Variants in CAMTA1 observed in about 807,000 individuals in gnomAD.
CAMTA1 encodes calmodulin-binding transcription activator 1.
A neutral mutation model predicts 170.9 loss-of-function variants in CAMTA1; 27 were observed. The ratio of observed to expected loss-of-function variants is 0.16; its 90% CI spans 0.12 to 0.22. The LOEUF is 0.22. Among genes scored for constraint, CAMTA1 ranks in the 10% least tolerant of loss-of-function variants. The pLI is 1.00. For missense variants in CAMTA1, 1,619 were observed against 2,217.2 expected, an observed-to-expected ratio of 0.73 and a Z score of 5.42; for synonymous variants, 833 against 891.5, an observed-to-expected ratio of 0.93 and a Z score of 1.17.
At chr1:7,688,960 G>A (rs927110575) in intron 11 of CAMTA1, among the ~76,000 whole-genome samples, 2 of 152,148 alleles carry the variant, frequency 1.3e-5, no homozygotes, top group African/African-American at 4.8e-5. Context: ...ATGAATAACA[G>A]GAGACTTTTT....
intron 5 of CAMTA1, among the ~76,000 whole-genome samples, chr1:7,278,051 G>C (rs770067721): frequency 7.2e-5 from 11 of 152,112 alleles, no homozygotes; most frequent in African/African-American, 1.2e-4. Flanking sequence ...CTGAACAATT[G>C]TTTTCTGGAG....
At chr1:7,345,632 C>A (rs1043855101) in intron 5 of CAMTA1, among the ~76,000 whole-genome samples, 1 of 152,204 alleles carries the variant, frequency 6.6e-6, no homozygotes, top group Non-Finnish European at 1.5e-5. Context: ...CTGGGAATAA[C>A]AGGCTGCTAG....
At chr1:7,109,372 C>T (rs558698571) in intron 4 of CAMTA1, among the ~76,000 whole-genome samples, 30 of 152,304 alleles carry the variant, frequency 2.0e-4, no homozygotes, top group African/African-American at 7.2e-4. Flanking sequence ...ACTGGGAGTT[C>T]ATCATGGCAT....
rs1219458975 is a variant in CAMTA1 at position 7,738,022 on chromosome 1, C to T, written c.3722C>T (p.Pro1241Leu). The T allele has an allele frequency of 3.1e-6, 5 of 1,613,886 alleles. No homozygotes were observed. Among genetic ancestry groups the T allele is most frequent in the African/African-American group, 2.7e-5 (2 of 74,886 alleles). ...YYSSESHKDY[P>L]APKKHKLNPE... ...AGCAGTGAGAGCCACAAAGATTATC[C>T]GGCTCCCAAAAAGCATAAATTGAAC... The change falls in exon 16 of 23, where the codon CCG becomes CTG. Residue 1241 changes from proline to leucine, a missense_variant. Coordinates refer to ENST00000303635, the MANE Select transcript of CAMTA1 (RefSeq NM_015215.4). The surrounding 1 kb of genome is among the most constrained non-coding windows in gnomAD (Gnocchi z 4.9).
intron 5 of CAMTA1, among the ~76,000 whole-genome samples, chr1:7,302,434 C>T (rs745977442): frequency 1.3e-5 from 2 of 152,178 alleles, no homozygotes; most frequent in African/African-American, 4.8e-5. Context: ...CATTCTGTTC[C>T]AGGCCAGATT....
rs79085932 is a variant in CAMTA1, at chr1:7,563,156, G to A, written c.511-77244G>A. 1.1e-3 allele frequency among the ~76,000 whole-genome samples: 169 copies of A among 152,308 alleles called. 5 individuals are homozygous for A. In the East Asian group the frequency reaches 0.03, roughly 27 times the overall value. ...CATCGGGCTGTAGCCCCCAGGCATC[G>A]GGGCAGCCCCATGCCCCCTGCTCCT... is the stretch of plus-strand genomic sequence containing the variant. On this transcript the variant is annotated intron_variant, in intron 6 of 22. Coordinates refer to ENST00000303635, the MANE Select transcript of CAMTA1 (RefSeq NM_015215.4).
chr1:6,846,188 C>T (rs1658059362), intron 3 of CAMTA1, among the ~76,000 whole-genome samples: 1 of 152,212 alleles, frequency 6.6e-6, no homozygotes, highest in African/African-American at 2.4e-5. Flanking sequence ...GATACATTTT[C>T]TCACTTTTCA....
intron 3 of CAMTA1, among the ~76,000 whole-genome samples, chr1:7,031,832 C>T (rs143034425): frequency 0.018 from 2,808 of 152,214 alleles, 79 homozygotes; most frequent in African/African-American, 0.064. Flanking sequence ...TGAGTCACCA[C>T]GCCCAGCCAA....
In CAMTA1 at chr1:7,534,013, A is replaced by G. The variant is rs983574400; in HGVS notation, c.510+66112A>G. 2.7e-4 allele frequency among the ~76,000 whole-genome samples: 41 copies of G among 152,154 alleles called. No homozygotes were observed. Among genetic ancestry groups the G allele is most frequent in the East Asian group, 2.1e-3 (11 of 5,152 alleles). ...GATGCCGCATGGTCAAGCCTCATCT[A>G]CTGTACCTGGAGCCTTCTCCTGACC... On this transcript the variant is annotated intron_variant, in intron 6 of 22. Coordinates refer to ENST00000303635, the MANE Select transcript of CAMTA1 (RefSeq NM_015215.4). The surrounding 1 kb of genome is among the most constrained non-coding windows in gnomAD (Gnocchi z 5.6).
chr1:7,027,402 G>A (rs920856902), intron 3 of CAMTA1, among the ~76,000 whole-genome samples: 2 of 152,170 alleles, frequency 1.3e-5, no homozygotes, highest in Middle Eastern at 3.2e-3. Context: ...AGACCTGGGG[G>A]AAGGGACAAG....
chr1:7,057,534 G>A (rs1254475009), intron 3 of CAMTA1, among the ~76,000 whole-genome samples: 1 of 152,268 alleles, frequency 6.6e-6, no homozygotes, highest in East Asian at 1.9e-4. Context: ...AAGGCCAAAT[G>A]TCAGGGGCCT....
chr1:7,519,004 T>C (rs1056045616), intron 6 of CAMTA1, among the ~76,000 whole-genome samples: 1 of 151,976 alleles, frequency 6.6e-6, no homozygotes, highest in African/African-American at 2.4e-5. Flanking sequence ...AAGGCAGTTC[T>C]CAAGGAAATC....
chr1:6,944,922 G>T (rs914935512), intron 3 of CAMTA1, among the ~76,000 whole-genome samples: 3 of 152,186 alleles, frequency 2.0e-5, no homozygotes, highest in Admixed American at 2.0e-4. Flanking sequence ...GATAGGTTAG[G>T]TGTAGTAAAT....
At chr1:7,156,188 C>T (rs772531392) in intron 4 of CAMTA1, among the ~76,000 whole-genome samples, 43 of 151,070 alleles carry the variant, frequency 2.8e-4, no homozygotes, top group Non-Finnish European at 5.2e-4. Context: ...GCAGGAGAAT[C>T]GCTTGAACCT....
rs1646216248 is a variant in CAMTA1, at chr1:7,146,818, C to T, written c.302+55447C>T. On this transcript the variant is annotated intron_variant, in intron 4 of 22. Transcript: ENST00000303635. This position sits in a 1 kb window ranked among gnomAD's most constrained non-coding sequence, Gnocchi z 4.3. ...ACCACACAAATATACACCATGTGCA[C>T]ACACACCACACACACATATACCATG... Among the ~76,000 whole-genome samples, 1 of 151,488 alleles carries T rather than the reference C, an allele frequency of 6.6e-6. No homozygotes were observed. The highest frequency in any genetic ancestry group is 2.1e-4 in the South Asian group (1 of 4,796).
At chr1:7,357,039 G>A (rs74749562) in intron 5 of CAMTA1, among the ~76,000 whole-genome samples, 9,020 of 152,170 alleles carry the variant, frequency 0.059, 454 homozygotes, top group Non-Finnish European at 0.08. Flanking sequence ...GAGGCTCCCC[G>A]GAGTCCATTC....
intron 6 of CAMTA1, among the ~76,000 whole-genome samples, chr1:7,471,684 G>A (rs531041658): frequency 7.8e-4 from 119 of 152,366 alleles, no homozygotes; most frequent in Non-Finnish European, 9.4e-4. Flanking sequence ...TGCCCCTACC[G>A]CCTGATGTGG....
chr1:6,912,227 C>G (rs1679863713), intron 3 of CAMTA1, among the ~76,000 whole-genome samples: 1 of 152,200 alleles, frequency 6.6e-6, no homozygotes, highest in African/African-American at 2.4e-5. Flanking sequence ...AAGTCTTGCA[C>G]AATGGAGTTC....
chr1:7,333,832 C>T lies in CAMTA1; in HGVS notation c.438+84206C>T, dbSNP rs1003805165. 3.3e-5 allele frequency among the ~76,000 whole-genome samples: 5 copies of T among 152,174 alleles called. No individual in the cohort carries two copies. The highest frequency in any genetic ancestry group is 6.5e-5 in the Admixed American group (1 of 15,288). ...ATTTTTGTAGCCTCCTCAAAATCCTCTCTCTGTGTTTACATTTTAATGGGC... is the reference window on the plus strand; with the variant it reads ...ATTTTTGTAGCCTCCTCAAAATCCTTTCTCTGTGTTTACATTTTAATGGGC... On this transcript the variant is annotated intron_variant, in intron 5 of 22. Coordinates refer to ENST00000303635, the MANE Select transcript of CAMTA1 (RefSeq NM_015215.4). This position sits in a 1 kb window ranked among gnomAD's most constrained non-coding sequence, Gnocchi z 4.4.
Sources: gnomAD v4.1 joint callset for allele counts (sites outside exome capture counted in the v4.1 genomes callset) on GRCh38, gnomAD v4.1.1 for gene constraint, Gnocchi (gnomAD v3.1) non-coding constraint, MANE v1.5 for transcripts, NCBI Gene and HGNC (gene_info 2026-07-23, HGNC 2026-07-21) for gene names.